Variants in ITGB3BP observed in about 807,000 individuals in gnomAD.
The protein encoded by ITGB3BP is integrin subunit beta 3 binding protein.
Under a neutral mutation model 29.1 loss-of-function variants are expected in ITGB3BP, and 27 were observed. That is an observed-to-expected ratio of 0.93 (90% CI 0.68 to 1.28). The LOEUF (loss-of-function observed/expected upper bound fraction) is 1.28, where lower values mean the gene tolerates loss of function less well. Ranked by LOEUF, ITGB3BP falls within the 50% of genes most tolerant of loss-of-function variation. The pLI, the probability that ITGB3BP is intolerant of heterozygous loss-of-function variation, is 0.00. For missense variants in ITGB3BP, 192 were observed against 200.2 expected, an observed-to-expected ratio of 0.96 and a Z score of 0.25; for synonymous variants, 61 against 61.4, an observed-to-expected ratio of 0.99 and a Z score of 0.03.
chr1:63,441,562 A>G (rs970327184), intron 8 of ITGB3BP, among the ~76,000 whole-genome samples: 2 of 151,886 alleles, frequency 1.3e-5, no homozygotes. Context: ...TATCTTCACT[A>G]GTAACTGTCA....
At chr1:63,444,680 A>G (rs1467428884) in intron 8 of ITGB3BP, among the ~76,000 whole-genome samples, 9 of 147,336 alleles carry the variant, frequency 6.1e-5, no homozygotes, top group Non-Finnish European at 1.3e-4. Context: ...CCTATTACAT[A>G]TAGGATTTAT....
intron 3 of ITGB3BP, among the ~76,000 whole-genome samples, chr1:63,485,156 T>A (rs1014090330): frequency 6.6e-6 from 1 of 152,110 alleles, no homozygotes; most frequent in Non-Finnish European, 1.5e-5. Flanking sequence ...CTAGAACATG[T>A]ATGGAACATA....
intron 7 of ITGB3BP, among the ~76,000 whole-genome samples, chr1:63,448,078 G>A (rs1259719414): frequency 6.7e-6 from 1 of 148,892 alleles, no homozygotes; most frequent in African/African-American, 2.5e-5. Context: ...CTATTGCAAG[G>A]ACAAAAAACC....
chr1:63,497,893 T>C (rs1645829581), intron 2 of ITGB3BP, among the ~76,000 whole-genome samples: 1 of 148,358 alleles, frequency 6.7e-6, no homozygotes, highest in Non-Finnish European at 1.5e-5. Flanking sequence ...TTCTTTTCTG[T>C]TGCACTATTG....
In ITGB3BP at chr1:63,509,470, G is replaced by A. The variant is rs139722276; in HGVS notation, c.6-900C>T. 9.2e-5 allele frequency among the ~76,000 whole-genome samples: 14 copies of A among 152,252 alleles called. No homozygotes were observed. In the East Asian group the frequency reaches 2.7e-3, roughly 29 times the overall value. ...AATTAGAGCATAAAGCAAAAAGATT[G>A]TACTATGTTATATTACAGAAATCCC... On this transcript the variant is annotated intron_variant, in intron 1 of 8. Coordinates refer to ENST00000271002, the MANE Select transcript of ITGB3BP (RefSeq NM_014288.5).
intron 4 of ITGB3BP, among the ~76,000 whole-genome samples, chr1:63,473,532 C>G (rs1265682008): frequency 2.4e-4 from 33 of 137,578 alleles, no homozygotes; most frequent in Middle Eastern, 4.3e-3. Context: ...GGGGGGTCAG[C>G]CCCCCGCCCG....
intron 2 of ITGB3BP, among the ~76,000 whole-genome samples, chr1:63,506,613 A>G (rs1200659182): frequency 1.3e-5 from 2 of 152,202 alleles, no homozygotes; most frequent in African/African-American, 4.8e-5. Context: ...ACCTTGCCCA[A>G]ACATCATGAA....
intron 8 of ITGB3BP, among the ~76,000 whole-genome samples, chr1:63,444,474 A>G (rs1445378975): frequency 1.4e-5 from 2 of 146,610 alleles, no homozygotes; most frequent in African/African-American, 2.5e-5. Flanking sequence ...TAGGATATAT[A>G]TATTACATAT....
chr1:63,444,601 AAT>A (rs971593815), intron 8 of ITGB3BP, among the ~76,000 whole-genome samples: 2 of 109,756 alleles, frequency 1.8e-5, no homozygotes, highest in Non-Finnish European at 4.1e-5. Flanking sequence ...CTCCTATTAC[AAT>A]ATATATATAT....
chr1:63,508,495 TA>T, intron 2 of ITGB3BP, 32 bp downstream of exon 2: 1 of 1,088,634 alleles, frequency 9.2e-7, no homozygotes, highest in African/African-American at 1.6e-5. Flanking sequence ...AACACAATCT[TA>T]TTCAATGACA....
chr1:63,501,747 A>G (rs1286947324), intron 2 of ITGB3BP, among the ~76,000 whole-genome samples: 1 of 152,084 alleles, frequency 6.6e-6, no homozygotes, highest in Non-Finnish European at 1.5e-5. Context: ...CTGTAGTCCC[A>G]GCTACCCTGG....
At chr1:63,512,241 A>G (rs1175681370) in intron 1 of ITGB3BP, among the ~76,000 whole-genome samples, 1 of 152,130 alleles carries the variant, frequency 6.6e-6, no homozygotes. Flanking sequence ...CTATGTTTGT[A>G]TAATTATATT....
intron 2 of ITGB3BP, among the ~76,000 whole-genome samples, chr1:63,503,671 T>C (rs1645997430): frequency 6.6e-6 from 1 of 152,200 alleles, no homozygotes; most frequent in Non-Finnish European, 1.5e-5. Context: ...CTTTAATCCA[T>C]CTTGAATTAA....
rs566851420 is a variant in ITGB3BP at position 63,506,927 on chromosome 1, A to G, written c.48+1601T>C. Among the ~76,000 whole-genome samples the G allele has an allele frequency of 9.5e-4, 145 of 152,340 alleles. 1 individual carries two copies. The highest frequency in any genetic ancestry group is 3.2e-3 in the African/African-American group (135 of 41,590). On this transcript the variant is annotated intron_variant, in intron 2 of 8. Coordinates refer to ENST00000271002, the MANE Select transcript of ITGB3BP (RefSeq NM_014288.5). ...TTTTGCATGGGCTAAGGCAGCCTCA[A>G]TGGGGCCATAGGCCATGTGAGTATA... is the stretch of plus-strand genomic sequence containing the variant.
At position 63,490,114 on chromosome 1, in the gene ITGB3BP, T is replaced by A; in HGVS notation, c.153A>T (p.Glu51Asp). The change falls in exon 3 of 9, where the codon GAA (glutamate) becomes GAT (aspartate). Residue 51 changes from glutamate to aspartate, a missense_variant. Glu to Asp is a conservative substitution (Grantham distance 45). Coordinates refer to ENST00000271002, the MANE Select transcript of ITGB3BP (RefSeq NM_014288.5). ...MSLFASPTSS[E>D]EQKHRNGLSN... is the part of the protein sequence containing the mutation. ...ATAGTCCATTTCTGTGCTTTTGCTCTTCAGAACTTGTGGGAGAAGCAAATA... is the reference window on the plus strand; with the variant it reads ...ATAGTCCATTTCTGTGCTTTTGCTCATCAGAACTTGTGGGAGAAGCAAATA... 1 of 1,611,900 alleles carries A rather than the reference T, an allele frequency of 6.2e-7. No individual in the cohort carries two copies. Among genetic ancestry groups the A allele is most frequent in the Non-Finnish European group, 8.5e-7 (1 of 1,178,714 alleles).
chr1:63,473,615 A>G (rs1236990515), intron 4 of ITGB3BP, among the ~76,000 whole-genome samples: 11 of 90,770 alleles, frequency 1.2e-4, no homozygotes, highest in African/African-American at 2.1e-4. Flanking sequence ...TCCGGGAGGG[A>G]GGTGGGGGGG....
chr1:63,453,248 T>C (rs907000186), intron 7 of ITGB3BP, among the ~76,000 whole-genome samples: 1 of 152,244 alleles, frequency 6.6e-6, no homozygotes, highest in African/African-American at 2.4e-5. Flanking sequence ...CATCGGTATT[T>C]AAAAGTGGTA....
intron 2 of ITGB3BP, among the ~76,000 whole-genome samples, chr1:63,528,540 T>A (rs1252474752): frequency 6.6e-6 from 1 of 152,056 alleles, no homozygotes; most frequent in Non-Finnish European, 1.5e-5. Context: ...AAAAAATCAT[T>A]TAAGTGTACA....
At chr1:63,460,764 T>C (rs1645003468) in intron 4 of ITGB3BP, among the ~76,000 whole-genome samples, 1 of 152,206 alleles carries the variant, frequency 6.6e-6, no homozygotes, top group African/African-American at 2.4e-5. Flanking sequence ...TTAATTTCTC[T>C]ATATCCTTGC....
Sources: gnomAD v4.1 joint callset for allele counts (sites outside exome capture counted in the v4.1 genomes callset) on GRCh38, gnomAD v4.1.1 for gene constraint, MANE v1.5 for transcripts, NCBI Gene and HGNC (gene_info 2026-07-23, HGNC 2026-07-21) for gene names.